Variants in MGAT4C observed in about 807,000 individuals in gnomAD.
The protein encoded by MGAT4C is alpha-1,3-mannosyl-glycoprotein 4-beta-N-acetylglucosaminyltransferase C.
Under a neutral mutation model 40.1 loss-of-function variants are expected in MGAT4C, and 19 were observed. The ratio of observed to expected loss-of-function variants is 0.47; its 90% CI spans 0.33 to 0.70. The LOEUF is 0.70. Among genes scored for constraint, MGAT4C ranks in the 30% least tolerant of loss-of-function variants. The pLI is 0.02. For synonymous variants in MGAT4C, 181 were observed against 187.1 expected (o/e 0.97, Z 0.27); for missense variants, 491 against 563.2 (o/e 0.87, Z 1.30).
At chr12:86,422,071 C>T (rs1253547871) in intron 3 of MGAT4C, among the ~76,000 whole-genome samples, 2 of 151,930 alleles carry the variant, frequency 1.3e-5, no homozygotes, top group African/African-American at 4.8e-5. Flanking sequence ...GGAGTTTTAT[C>T]CAAAGATAAG....
At chr12:86,444,155 T>C in intron 2 of MGAT4C, among the ~76,000 whole-genome samples, 1 of 152,172 alleles carries the variant, frequency 6.6e-6, no homozygotes, top group East Asian at 1.9e-4. Context: ...AACATCCATA[T>C]CACCAAAGGC....
chr12:86,363,719 T>G (rs1955531657), intron 3 of MGAT4C, among the ~76,000 whole-genome samples: 1 of 151,962 alleles, frequency 6.6e-6, no homozygotes, highest in Admixed American at 6.6e-5. Flanking sequence ...AAAACCTTTT[T>G]CCAGATCAAC....
Position 86,783,770 on chromosome 12 carries a change from C to T in MGAT4C, c.-262+54896G>A, listed in dbSNP as rs372055195. ...ATTTCTGTGAAAAAAATTTTTGGTA[C>T]ACTTACAATCTCAAACAATATATAA... On this transcript the variant is annotated intron_variant, in intron 1 of 7. Transcript: ENST00000548651. Among the ~76,000 whole-genome samples, 7 of 152,118 alleles carry T rather than the reference C, an allele frequency of 4.6e-5. No individual in the cohort carries two copies. In the East Asian group the frequency reaches 1.2e-3, roughly 25 times the overall value.
chr12:86,041,409 G>A (rs1231227364), intron 2 of MGAT4C, among the ~76,000 whole-genome samples: 1 of 152,004 alleles, frequency 6.6e-6, no homozygotes, highest in Non-Finnish European at 1.5e-5. Context: ...TAGGTCTGAT[G>A]TTATGTTATT....
At chr12:86,161,848 G>T (rs549001552) in intron 1 of MGAT4C, among the ~76,000 whole-genome samples, 1 of 152,202 alleles carries the variant, frequency 6.6e-6, no homozygotes, top group African/African-American at 2.4e-5. Context: ...GACATGAACA[G>T]ACATTTTGCA....
At chr12:86,422,465 C>A (rs975564231) in intron 3 of MGAT4C, among the ~76,000 whole-genome samples, 1 of 152,088 alleles carries the variant, frequency 6.6e-6, no homozygotes. Context: ...ATTTTTCAAC[C>A]CTTGACATCT....
intron 1 of MGAT4C, among the ~76,000 whole-genome samples, chr12:86,256,024 C>T (rs113931071): frequency 0.017 from 2,573 of 152,176 alleles, 68 homozygotes; most frequent in African/African-American, 0.057. Flanking sequence ...ATTTACCTGC[C>T]TTTCATTTTC....
At chr12:86,362,153 G>A (rs758348984) in intron 3 of MGAT4C, among the ~76,000 whole-genome samples, 1 of 152,198 alleles carries the variant, frequency 6.6e-6, no homozygotes, top group Admixed American at 6.5e-5. Context: ...ATACTATGCA[G>A]CCATAAAAAC....
chr12:86,120,575 G>A (rs1034415934), intron 1 of MGAT4C, among the ~76,000 whole-genome samples: 10 of 152,184 alleles, frequency 6.6e-5, no homozygotes, highest in Non-Finnish European at 1.5e-4. Context: ...AACATTTGCC[G>A]TTCTGCAATA....
chr12:86,010,091 A>G (rs1394731081), intron 2 of MGAT4C, among the ~76,000 whole-genome samples: 1 of 152,222 alleles, frequency 6.6e-6, no homozygotes, highest in Non-Finnish European at 1.5e-5. Context: ...CATAAATGTT[A>G]TATATTGTGA....
At position 86,629,243 on chromosome 12, in the gene MGAT4C, G is replaced by C. The variant is rs976577803; in HGVS notation, c.-229+97966C>G. Among the ~76,000 whole-genome samples the C allele has an allele frequency of 4.6e-5, 7 of 152,158 alleles. No individual in the cohort carries two copies. In the South Asian group the frequency reaches 6.2e-4, roughly 13 times the overall value. Reference sequence around the variant, plus strand: ...CATGTGCCCAATACAGGAGCACCCAGATTCATAAAGCAGTCCTTAGAGACC... The same window carrying C: ...CATGTGCCCAATACAGGAGCACCCACATTCATAAAGCAGTCCTTAGAGACC... On this transcript the variant is annotated intron_variant, in intron 2 of 7. Coordinates refer to the MGAT4C transcript ENST00000548651.
At chr12:86,434,378 A>G (rs2136272271) in intron 3 of MGAT4C, among the ~76,000 whole-genome samples, 1 of 152,014 alleles carries the variant, frequency 6.6e-6, no homozygotes, top group South Asian at 2.1e-4. Context: ...ATTATCTAAA[A>G]TTAATTTTGC....
intron 1 of MGAT4C, among the ~76,000 whole-genome samples, chr12:86,192,098 T>A (rs1593193563): frequency 1.3e-5 from 1 of 74,526 alleles, no homozygotes; most frequent in Non-Finnish European, 2.4e-5. Flanking sequence ...TGTTGTGGGG[T>A]GGGGGGAGGG....
chr12:86,337,687 G>A (rs921767823), intron 3 of MGAT4C, among the ~76,000 whole-genome samples: 6 of 151,926 alleles, frequency 3.9e-5, no homozygotes, highest in Admixed American at 3.9e-4. Context: ...CTTTGTTTGA[G>A]TAAATATTTG....
chr12:86,414,024 A>T (rs984059695), intron 3 of MGAT4C, among the ~76,000 whole-genome samples: 2 of 152,200 alleles, frequency 1.3e-5, no homozygotes, highest in Non-Finnish European at 2.9e-5. Context: ...TAGAACAAGA[A>T]GCATTTCAAG....
At chr12:86,791,733 T>A (rs1001318416) in intron 1 of MGAT4C, among the ~76,000 whole-genome samples, 1 of 152,186 alleles carries the variant, frequency 6.6e-6, no homozygotes, top group Non-Finnish European at 1.5e-5. Flanking sequence ...CATCCCTTTC[T>A]CAGCATTAGT....
chr12:86,584,384 T>C (rs902579230), intron 2 of MGAT4C, among the ~76,000 whole-genome samples: 4 of 151,000 alleles, frequency 2.6e-5, no homozygotes, highest in East Asian at 1.9e-4. Context: ...CCACAGTCTC[T>C]AAGGAATTCT....
intron 4 of MGAT4C, among the ~76,000 whole-genome samples, chr12:86,264,115 T>C (rs78359251): frequency 2.5e-3 from 378 of 152,278 alleles, no homozygotes; most frequent in Non-Finnish European, 4.0e-3. Context: ...TGCAAATATT[T>C]TCTCCCGTTC....
At chr12:86,166,220 A>G (rs542115695) in intron 1 of MGAT4C, among the ~76,000 whole-genome samples, 6 of 152,332 alleles carry the variant, frequency 3.9e-5, no homozygotes, top group African/African-American at 1.4e-4. Flanking sequence ...CAGGTTGAAA[A>G]CCATTTACAA....
Sources: allele counts gnomAD v4.1 joint callset (sites outside exome capture counted in the v4.1 genomes callset), GRCh38; gene constraint gnomAD v4.1.1; transcripts MANE v1.5; gene names NCBI Gene and HGNC (gene_info 2026-07-23, HGNC 2026-07-21).